Variants in JARID2 observed in about 807,000 individuals in gnomAD.
JARID2 encodes the protein protein Jumonji.
Under a neutral mutation model 125.6 loss-of-function variants are expected in JARID2, and 21 were observed. That is an observed-to-expected ratio of 0.17 (90% CI 0.12 to 0.24). The LOEUF is 0.24. Ranked by LOEUF, JARID2 falls within the 10% of genes least tolerant of loss-of-function variation. JARID2 has a pLI of 1.00. For missense variants in JARID2, 1,303 were observed against 1,639.6 expected, an observed-to-expected ratio of 0.79 and a Z score of 3.55; for synonymous variants, 736 against 661.6, an observed-to-expected ratio of 1.11 and a Z score of -1.73.
Position 15,501,285 on chromosome 6 carries a change from A to G in JARID2, c.2324A>G (p.Lys775Arg). The change falls in exon 8 of 18, where the codon AAG (lysine) becomes AGG (arginine). Residue 775 changes from lysine to arginine, a missense_variant. Lys to Arg is a conservative substitution (Grantham distance 26). Around this residue, in one of 11 missense-constraint regions of JARID2, gnomAD observed 124 missense variants for 131.0 expected, o/e 0.95. Coordinates refer to ENST00000341776, the MANE Select transcript of JARID2 (RefSeq NM_004973.4). ...APRNGFRSKLKEVGQAQLKTG... is the reference protein window; with the variant it reads ...APRNGFRSKLREVGQAQLKTG... Reference sequence around the variant, plus strand: ...AGGAACGGCTTCCGCAGCAAGCTCAAGGAGGTGGGCCAGGCCCAGTTGAAG... The same window carrying G: ...AGGAACGGCTTCCGCAGCAAGCTCAGGGAGGTGGGCCAGGCCCAGTTGAAG... 6.2e-7 allele frequency: 1 copy of G among 1,613,478 alleles called. No homozygotes were observed. The highest frequency in any genetic ancestry group is 1.1e-5 in the South Asian group (1 of 91,066).
intron 1 of JARID2, among the ~76,000 whole-genome samples, chr6:15,255,200 C>T (rs1370552385): frequency 2.9e-5 from 4 of 137,004 alleles, no homozygotes; most frequent in Non-Finnish European, 6.1e-5. Context: ...AGTACAGTGG[C>T]GCTATCTCAT....
intron 1 of JARID2, among the ~76,000 whole-genome samples, chr6:15,339,915 A>G (rs1581431080): frequency 1.3e-5 from 2 of 152,078 alleles, no homozygotes; most frequent in African/African-American, 2.4e-5. Flanking sequence ...TCAGAGGACA[A>G]TGTTGCTGTT....
In JARID2 at chr6:15,416,280, C is replaced by T. The variant is rs576398442; in HGVS notation, c.323+5915C>T. On this transcript the variant is annotated intron_variant, in intron 3 of 17. Transcript: ENST00000341776. ...GCAGAGACGCTTCTCACTTCCCAGA[C>T]GGGGTGGCGGCCGGGCAGAGGCTGC... 3.2e-3 allele frequency among the ~76,000 whole-genome samples: 494 copies of T among 152,130 alleles called. 3 individuals carry two copies. Among genetic ancestry groups the T allele is most frequent in the African/African-American group, 0.011 (457 of 41,520 alleles).
chr6:15,382,467 T>G (rs1467769165), intron 2 of JARID2, among the ~76,000 whole-genome samples: 1 of 152,126 alleles, frequency 6.6e-6, no homozygotes, highest in Admixed American at 6.5e-5. Flanking sequence ...GGTCTGTTGG[T>G]GTCATAATCT....
chr6:15,506,187 C>A (rs1042887259), intron 9 of JARID2, among the ~76,000 whole-genome samples: 1 of 152,226 alleles, frequency 6.6e-6, no homozygotes, highest in Non-Finnish European at 1.5e-5. Flanking sequence ...TGGACAGCCC[C>A]TGGAGTTGGC....
intron 2 of JARID2, among the ~76,000 whole-genome samples, chr6:15,390,060 T>C (rs976402161): frequency 7.2e-5 from 11 of 152,178 alleles, no homozygotes; most frequent in African/African-American, 2.7e-4. Context: ...TGTCCCACCT[T>C]CTAAGGAAAG....
rs1770439471 is a variant in JARID2 at position 15,496,538 on chromosome 6, G to A, written c.1313G>A (p.Arg438Gln). 2 of 1,608,432 alleles carry A rather than the reference G, an allele frequency of 1.2e-6. No individual in the cohort carries two copies. The highest frequency in any genetic ancestry group is 1.7e-6 in the Non-Finnish European group (2 of 1,178,122). The change falls in exon 7 of 18, where the codon CGG becomes CAG. Residue 438 changes from arginine to glutamine, a missense_variant. Physicochemically the swap from Arg to Gln is conservative, Grantham distance 43 (BLOSUM62 1). This residue lies in a region of JARID2 where 651 missense variants were observed against 581.6 expected (regional missense o/e 1.12). Transcript: ENST00000341776. ...REGLQLREGL[R>Q]NSKRRLEEAH... ...GGCCTGCAGCTGCGGGAGGGGCTGCGGAACTCCAAGAGGAGACTGGAAGAG... is the reference window on the plus strand; with the variant it reads ...GGCCTGCAGCTGCGGGAGGGGCTGCAGAACTCCAAGAGGAGACTGGAAGAG...
chr6:15,322,678 A>G (rs1258024876), intron 1 of JARID2, among the ~76,000 whole-genome samples: 3 of 152,158 alleles, frequency 2.0e-5, no homozygotes, highest in Non-Finnish European at 2.9e-5. Context: ...GGCTGACCCA[A>G]AACTTCTCTC....
chr6:15,251,249 C>A (rs1759438978), intron 1 of JARID2, among the ~76,000 whole-genome samples: 1 of 152,226 alleles, frequency 6.6e-6, no homozygotes, highest in Non-Finnish European at 1.5e-5. Context: ...CTCCTGACCT[C>A]AGGTGATCTG....
chr6:15,482,802 A>G (rs1026081733), intron 5 of JARID2, among the ~76,000 whole-genome samples: 5 of 152,200 alleles, frequency 3.3e-5, no homozygotes, highest in African/African-American at 9.6e-5. Flanking sequence ...AACTTTTCAT[A>G]CTGTTACATT....
chr6:15,310,087 C>T (rs80281428), intron 1 of JARID2, among the ~76,000 whole-genome samples: 6,243 of 152,122 alleles, frequency 0.041, 199 homozygotes, highest in African/African-American at 0.087. Context: ...GGAGGCTTTC[C>T]CAGGTTGGCT....
chr6:15,320,852 C>CTCTCTG (rs541608020), intron 1 of JARID2, among the ~76,000 whole-genome samples: 12 of 145,314 alleles, frequency 8.3e-5, no homozygotes, highest in Admixed American at 2.8e-4. Context: ...CTCTCTCTCT[C>CTCTCTG]TGTGTGTGTG....
At chr6:15,442,915 A>G (rs1182688147) in intron 3 of JARID2, among the ~76,000 whole-genome samples, 1 of 152,178 alleles carries the variant, frequency 6.6e-6, no homozygotes, top group Non-Finnish European at 1.5e-5. Context: ...TGTACTGCAT[A>G]TTACTTTTCA....
At chr6:15,410,098 G>A in intron 2 of JARID2, 126 bp from the exon 3 acceptor site, 1 of 836,150 alleles carries the variant, frequency 1.2e-6, no homozygotes, top group Non-Finnish European at 1.8e-6. Flanking sequence ...AGGGATGTGT[G>A]CTTTTAAATT....
At position 15,496,856 on chromosome 6, in the gene JARID2, A is replaced by C; in HGVS notation, c.1631A>C (p.Lys544Thr). ...HKPQDSGKAEKGGGKAGWAAM... is the reference protein window; with the variant it reads ...HKPQDSGKAETGGGKAGWAAM... ...CCGCAGGACTCGGGCAAGGCCGAGA[A>C]GGGCGGCGGCAAGGCCGGGTGGGCG... is the stretch of plus-strand genomic sequence containing the variant. Residue 544 changes from lysine (K) to threonine (T), a missense_variant, in exon 7 of 18, where the codon AAG (lysine) becomes ACG (threonine). Physicochemically the swap from Lys to Thr is moderately conservative, Grantham distance 78. Transcript: ENST00000341776. 1.2e-6 allele frequency: 2 copies of C among 1,601,444 alleles called. No homozygotes were observed. Among genetic ancestry groups the C allele is most frequent in the Non-Finnish European group, 1.7e-6 (2 of 1,171,580 alleles).
chr6:15,411,073 C>CT (rs1765855981), intron 3 of JARID2, among the ~76,000 whole-genome samples: 1 of 152,070 alleles, frequency 6.6e-6, no homozygotes, highest in Non-Finnish European at 1.5e-5. Flanking sequence ...ATGTTACTTC[C>CT]TTTTTTTCCC....
intron 1 of JARID2, among the ~76,000 whole-genome samples, chr6:15,350,155 A>G (rs1763375471): frequency 6.6e-6 from 1 of 152,176 alleles, no homozygotes; most frequent in African/African-American, 2.4e-5. Flanking sequence ...CTTTCCATCA[A>G]GCTTGAGGCT....
At chr6:15,383,351 A>G (rs1005190228) in intron 2 of JARID2, among the ~76,000 whole-genome samples, 1 of 149,964 alleles carries the variant, frequency 6.7e-6, no homozygotes, top group African/African-American at 2.5e-5. Context: ...GGGTCTCTCT[A>G]GTTTCTTTGC....
intron 3 of JARID2, among the ~76,000 whole-genome samples, chr6:15,431,299 T>C (rs1033562109): frequency 5.3e-5 from 8 of 152,166 alleles, no homozygotes; most frequent in African/African-American, 1.4e-4. Context: ...TCTTCCTGAT[T>C]AATGTTTTGA....
Sources: gnomAD v4.1 joint callset for allele counts (sites outside exome capture counted in the v4.1 genomes callset) on GRCh38, gnomAD v4.1.1 for gene constraint, gnomAD v4.1.1 regional missense constraint, MANE v1.5 for transcripts, NCBI Gene and HGNC (gene_info 2026-07-23, HGNC 2026-07-21) for gene names.